SHROOM2: variants seen among roughly 807,000 people sequenced by gnomAD.
SHROOM2 encodes the protein protein Shroom2.
A neutral mutation model predicts 75.9 loss-of-function variants in SHROOM2; 33 were observed. That is an observed-to-expected ratio of 0.43 (90% CI 0.33 to 0.58). The LOEUF (loss-of-function observed/expected upper bound fraction) is 0.58. Ranked by LOEUF, SHROOM2 falls within the 20% of genes least tolerant of loss-of-function variation. The pLI, the probability that SHROOM2 is intolerant of heterozygous loss-of-function variation, is 0.04. For missense variants in SHROOM2, 1,434 were observed against 1,461.2 expected, an observed-to-expected ratio of 0.98 and a Z score of 0.30; for synonymous variants, 655 against 663.6, an observed-to-expected ratio of 0.99 and a Z score of 0.20.
intron 5 of SHROOM2, among the ~76,000 whole-genome samples, chrX:9,906,766 C>T (rs1172245549): frequency 8.9e-6 from 1 of 111,833 alleles, no homozygotes; most frequent in Non-Finnish European, 1.9e-5. Context: ...CCAGCCTGGG[C>T]AACAAGAGTG....
At position 9,840,417 on chromosome X, in the gene SHROOM2, G is replaced by A. The variant is rs1458455958; in HGVS notation, c.166-33235G>A. On this transcript the variant is annotated intron_variant, in intron 1 of 9. Coordinates refer to ENST00000380913, the MANE Select transcript of SHROOM2 (RefSeq NM_001649.4). The stretch of plus-strand genomic sequence containing the variant: ...CAAGTAGCTGGGACTACAGGTGTGC[G>A]CCACCACACTGGCTAATTTTTTGTA... Among the ~76,000 whole-genome samples the A allele has an allele frequency of 5.4e-5, 6 of 111,265 alleles. No homozygotes were observed. The South Asian group carries it at 1.1e-3, about 21-fold the overall frequency.
At chrX:9,833,227 G>T (rs2083925369) in intron 1 of SHROOM2, among the ~76,000 whole-genome samples, 1 of 111,387 alleles carries the variant, frequency 9.0e-6, no homozygotes, top group African/African-American at 3.3e-5. Flanking sequence ...GAATCTGCCA[G>T]TTGTGGAGCG....
At chrX:9,796,402 C>T (rs1277980045) in intron 1 of SHROOM2, among the ~76,000 whole-genome samples, 3 of 108,315 alleles carry the variant, frequency 2.8e-5, no homozygotes, top group East Asian at 5.9e-4. Flanking sequence ...CCAGCCTGGG[C>T]GACAGAGTGA....
chrX:9,826,468 A>G (rs1277393678), intron 1 of SHROOM2, among the ~76,000 whole-genome samples: 2 of 110,901 alleles, frequency 1.8e-5, no homozygotes, highest in Admixed American at 9.7e-5. Context: ...CTTATCCATC[A>G]TTTAAAAACA....
intron 1 of SHROOM2, among the ~76,000 whole-genome samples, chrX:9,870,057 A>G (rs1403033035): frequency 9.0e-6 from 1 of 111,403 alleles, no homozygotes; most frequent in African/African-American, 3.3e-5. Flanking sequence ...CATCTCTACA[A>G]AAAAAATAAA....
At chrX:9,861,109 C>G (rs1393102554) in intron 1 of SHROOM2, among the ~76,000 whole-genome samples, 1 of 112,187 alleles carries the variant, frequency 8.9e-6, no homozygotes. Flanking sequence ...ATAGTTAATG[C>G]TACTGAACTC....
In SHROOM2 at chrX:9,895,320, G is replaced by A. The variant is rs892749971; in HGVS notation, c.1412G>A (p.Gly471Glu). The A allele has an allele frequency of 5.1e-6, 6 of 1,172,519 alleles. No homozygotes were observed. Among genetic ancestry groups the A allele is most frequent in the Non-Finnish European group, 6.8e-6 (6 of 876,647 alleles). Residue 471 changes from glycine to glutamate, a missense_variant, in exon 4 of 10, where the codon GGG becomes GAG. Gly to Glu is a moderately conservative substitution (Grantham distance 98). Coordinates refer to ENST00000380913, the MANE Select transcript of SHROOM2 (RefSeq NM_001649.4). ...RGLSSCDQKLGSGWQGPRPCV... is the reference protein window; with the variant it reads ...RGLSSCDQKLESGWQGPRPCV... ...CTCAGCAGCTGTGACCAGAAGCTGGGGAGCGGCTGGCAGGGTCCCCGGCCC... is the reference window on the plus strand; with the variant it reads ...CTCAGCAGCTGTGACCAGAAGCTGGAGAGCGGCTGGCAGGGTCCCCGGCCC...
intron 8 of SHROOM2, among the ~76,000 whole-genome samples, chrX:9,940,688 G>A (rs1358307158): frequency 1.8e-5 from 2 of 112,610 alleles, no homozygotes; most frequent in Non-Finnish European, 3.7e-5. Flanking sequence ...CGCTTATGAT[G>A]TCGCACATTC....
rs147287914 is a variant in SHROOM2 at position 9,914,471 on chromosome X, G to A, written c.2891+16181G>A. ...AAGAAGACCAGGGTAGGGGAGCAGTGGGAAGAAGCTGATGTCTTGTATCCA... is the reference window on the plus strand; with the variant it reads ...AAGAAGACCAGGGTAGGGGAGCAGTAGGAAGAAGCTGATGTCTTGTATCCA... On this transcript the variant is annotated intron_variant, in intron 5 of 9. Coordinates refer to ENST00000380913, the MANE Select transcript of SHROOM2 (RefSeq NM_001649.4). Among the ~76,000 whole-genome samples, 875 of 110,496 alleles carry A rather than the reference G, an allele frequency of 7.9e-3. 6 individuals carry two copies. The highest frequency in any genetic ancestry group is 0.027 in the African/African-American group (835 of 30,383).
At chrX:9,833,964 C>T (rs953848871) in intron 1 of SHROOM2, among the ~76,000 whole-genome samples, 7 of 110,756 alleles carry the variant, frequency 6.3e-5, no homozygotes, top group African/African-American at 2.3e-4. Context: ...ATGTTCCTCC[C>T]TGACAAGCCT....
chrX:9,809,103 G>T (rs1373020637), intron 1 of SHROOM2, among the ~76,000 whole-genome samples: 1 of 105,398 alleles, frequency 9.5e-6, no homozygotes, highest in Non-Finnish European at 1.9e-5. Context: ...TATTAGTCAG[G>T]GTTCTCTAGA....
Position 9,786,477 on chromosome X carries a change from C to T in SHROOM2, c.-69C>T. 1 of 793,131 alleles carries T rather than the reference C, an allele frequency of 1.3e-6. No individual in the cohort carries two copies. The highest frequency in any genetic ancestry group is 1.5e-6 in the Non-Finnish European group (1 of 648,029). 65.4% of individuals were successfully genotyped at this position (793,131 alleles called of 1,213,427 possible). ...AAGTTCTGCGGCGCTCGGAGCCTCCCTTGCGATCCCACGGCCGGGACTGCC... is the reference window on the plus strand; with the variant it reads ...AAGTTCTGCGGCGCTCGGAGCCTCCTTTGCGATCCCACGGCCGGGACTGCC... On this transcript the variant is annotated 5_prime_UTR_variant, in exon 1 of 10. Coordinates refer to ENST00000380913, the MANE Select transcript of SHROOM2 (RefSeq NM_001649.4).
intron 1 of SHROOM2, among the ~76,000 whole-genome samples, chrX:9,847,032 G>T (rs1025997068): frequency 1.8e-5 from 2 of 112,030 alleles, no homozygotes; most frequent in African/African-American, 6.5e-5. Context: ...TATCATCTTC[G>T]ATCTGCTGGT....
At position 9,795,117 on chromosome X, in the gene SHROOM2, C is replaced by CTTTCTTTCTTTCT. The variant is rs141883410; in HGVS notation, c.165+8410_165+8411insCTTTCTTTCTTTT. ...TTTCTTTTTCTTTCTTTCTTTCTTT[C>CTTTCTTTCTTTCT]TTTTTTTTTTGAAGAGACAGGGTCT... is the stretch of plus-strand genomic sequence containing the variant. On this transcript the variant is annotated intron_variant, in intron 1 of 9. Transcript: ENST00000380913. Among the ~76,000 whole-genome samples, 475 of 103,605 alleles carry CTTTCTTTCTTTCT rather than the reference C, an allele frequency of 4.6e-3. 4 individuals are homozygous for CTTTCTTTCTTTCT. The highest frequency in any genetic ancestry group is 6.6e-3 in the Non-Finnish European group (335 of 50,532). The allele number at this position is 103,605 out of a possible 115,157, so 90.0% of individuals were successfully genotyped here. A position where few individuals can be genotyped will look rare whatever the true frequency, so the allele number is the denominator to read the frequency against.
intron 1 of SHROOM2, among the ~76,000 whole-genome samples, chrX:9,792,084 T>G (rs1298530403): frequency 2.4e-4 from 3 of 12,262 alleles, no homozygotes; most frequent in Admixed American, 1.6e-3. Flanking sequence ...TAGAATAGAA[T>G]AGAATAGAAT....
At chrX:9,836,990 C>G (rs1221858553) in intron 1 of SHROOM2, among the ~76,000 whole-genome samples, 3 of 112,433 alleles carry the variant, frequency 2.7e-5, no homozygotes, top group Non-Finnish European at 5.6e-5. Context: ...CTGTGACTGG[C>G]TTTTTGACTC....
At chrX:9,914,196 C>A (rs1026636863) in intron 5 of SHROOM2, among the ~76,000 whole-genome samples, 1 of 107,345 alleles carries the variant, frequency 9.3e-6, no homozygotes, top group African/African-American at 3.4e-5. Flanking sequence ...TTACAGAGTG[C>A]TAGGAATAAC....
At chrX:9,814,792 G>A (rs762816005) in intron 1 of SHROOM2, among the ~76,000 whole-genome samples, 2 of 111,668 alleles carry the variant, frequency 1.8e-5, no homozygotes, top group East Asian at 2.8e-4. Flanking sequence ...CTCCCTCACC[G>A]TCCCCATTCC....
chrX:9,864,987 T>C (rs923346360), intron 1 of SHROOM2: 1 of 111,902 alleles, frequency 8.9e-6, no homozygotes, highest in African/African-American at 3.2e-5. Flanking sequence ...CACTCCAGCC[T>C]GTGCAACAGA....
Sources: gnomAD v4.1 joint callset for allele counts (sites outside exome capture counted in the v4.1 genomes callset) on GRCh38, gnomAD v4.1.1 for gene constraint, MANE v1.5 for transcripts, NCBI Gene and HGNC (gene_info 2026-07-23, HGNC 2026-07-21) for gene names.